The following SIN3B variants were observed in gnomAD, a reference collection of about 807,000 sequenced individuals.
SIN3B encodes paired amphipathic helix protein Sin3b.
Under a neutral mutation model 120.2 loss-of-function variants are expected in SIN3B, and 19 were observed. That is an observed-to-expected ratio of 0.16 (90% CI 0.11 to 0.23). SIN3B has a LOEUF of 0.23. SIN3B is among the 10% of genes least tolerant of loss of function. The pLI, the probability that SIN3B is intolerant of heterozygous loss-of-function variation, is 1.00. For synonymous variants in SIN3B, 654 were observed against 653.2 expected (o/e 1.00, Z -0.02); for missense variants, 1,073 against 1,573.0 (o/e 0.68, Z 5.38).
rs1176461459 is a variant in SIN3B at position 16,853,164 on chromosome 19, G to A, written c.939+6G>A. On this transcript the variant is annotated splice_donor_region_variant and intron_variant, in intron 7 of 18. Transcript: ENST00000248054. ...AATTTTCTTTCTTTGACAAGGTGAG[G>A]GTGGGCCCTGGCTTCCATCTTGGGG... 3 of 1,613,440 alleles carry A rather than the reference G, an allele frequency of 1.9e-6. No individual in the cohort carries two copies. Among genetic ancestry groups the A allele is most frequent in the African/African-American group, 1.3e-5 (1 of 75,072 alleles).
intron 3 of SIN3B, 70 bp downstream of exon 3, chr19:16,831,717 C>G: frequency 7.2e-7 from 1 of 1,387,206 alleles, no homozygotes; most frequent in Admixed American, 1.7e-5. Flanking sequence ...GGTTGGGCCA[C>G]GTGTCTCTCC....
chr19:16,859,869 C>T (rs973418698), intron 8 of SIN3B, among the ~76,000 whole-genome samples: 6 of 151,996 alleles, frequency 3.9e-5, no homozygotes, highest in African/African-American at 9.7e-5. Flanking sequence ...CTGGGTCCAG[C>T]GGGCACGTGA....
chr19:16,872,038 C>T (rs2051518521), intron 14 of SIN3B, among the ~76,000 whole-genome samples: 2 of 152,160 alleles, frequency 1.3e-5, no homozygotes, highest in Admixed American at 1.3e-4. Flanking sequence ...AATGTCAACA[C>T]AAGGAAACTG....
rs982612177 is a variant in SIN3B, at chr19:16,865,978, C to T, written c.1622+330C>T. On this transcript the variant is annotated intron_variant, in intron 11 of 18. Transcript: ENST00000248054. ...TTAATGCTGCATTTCGGATGCCGTC[C>T]GGCGCTAGTTAACAGGCATTTATCA... Among the ~76,000 whole-genome samples the T allele has an allele frequency of 1.9e-3, 293 of 152,194 alleles. 4 individuals carry two copies. The highest frequency in any genetic ancestry group is 3.8e-4 in the Non-Finnish European group (26 of 67,996).
At position 16,847,129 on chromosome 19, in the gene SIN3B, C is replaced by T. The variant is rs371807771; in HGVS notation, c.726+16C>T. The T allele has an allele frequency of 9.1e-5, 145 of 1,600,948 alleles. No homozygotes were observed. The highest frequency in any genetic ancestry group is 1.2e-4 in the Non-Finnish European group (143 of 1,169,796). On this transcript the variant is annotated intron_variant, in intron 5 of 18. Coordinates refer to ENST00000248054, the MANE Select transcript of SIN3B (RefSeq NM_001297595.2). ...GCGGTCTCTGGTGAGTGCCGAGAGC[C>T]CCTGCCCAGCCTCGGGGGCCTCAGC...
At chr19:16,832,302 A>G (rs565220260) in intron 3 of SIN3B, among the ~76,000 whole-genome samples, 1 of 150,726 alleles carries the variant, frequency 6.6e-6, no homozygotes, top group East Asian at 2.0e-4. Flanking sequence ...GGTTCAAGCA[A>G]TTCTCCTGCC....
chr19:16,844,847 G>A (rs932025283), intron 4 of SIN3B, among the ~76,000 whole-genome samples: 6 of 152,200 alleles, frequency 3.9e-5, no homozygotes, highest in African/African-American at 1.2e-4. Flanking sequence ...TGTGAAGGCC[G>A]GGAGGAGGTC....
At chr19:16,838,507 G>T (rs913020852) in intron 3 of SIN3B, among the ~76,000 whole-genome samples, 2 of 152,138 alleles carry the variant, frequency 1.3e-5, no homozygotes, top group African/African-American at 4.8e-5. Flanking sequence ...GCCGGTATCA[G>T]TGCTTCCTTC....
At chr19:16,851,869 G>C (rs1054566340) in intron 6 of SIN3B, among the ~76,000 whole-genome samples, 6 of 152,234 alleles carry the variant, frequency 3.9e-5, no homozygotes, top group Non-Finnish European at 5.9e-5. Flanking sequence ...GTTTGTTCAG[G>C]TTGGTCACTG....
chr19:16,833,140 A>C (rs775658367), intron 3 of SIN3B, among the ~76,000 whole-genome samples: 1 of 152,158 alleles, frequency 6.6e-6, no homozygotes, highest in African/African-American at 2.4e-5. Context: ...AACCTCCTCC[A>C]GTCCTTGCCT....
chr19:16,869,780 C>T lies in SIN3B; in HGVS notation c.2127C>T (p.Pro709=). Residue 709 remains proline (P), a synonymous_variant, in exon 13 of 19, where the codon CCC becomes CCT. Transcript: ENST00000248054. ...CGGCGCCAGGACCCCACAGTAGCCC[C>T]CCAGAGGAGAAGGGGGCCTTCGGGG... ...KKPAPGPHSS[P]PEEKGAFGDA... is the part of the protein sequence containing the mutation. The T allele has an allele frequency of 6.2e-7, 1 of 1,613,668 alleles. No individual in the cohort carries two copies. Among genetic ancestry groups the T allele is most frequent in the East Asian group, 2.2e-5 (1 of 44,886 alleles).
At chr19:16,829,976 C>A (rs1161041933) in intron 2 of SIN3B, 79 bp downstream of exon 2, 2 of 905,604 alleles carry the variant, frequency 2.2e-6, no homozygotes, top group African/African-American at 1.6e-5. Context: ...CCTCCCCTCT[C>A]CAGCCTGCCC....
intron 11 of SIN3B, among the ~76,000 whole-genome samples, 177 bp from the exon 12 acceptor site, chr19:16,866,196 G>A (rs1406779262): frequency 6.6e-6 from 1 of 152,160 alleles, no homozygotes; most frequent in Non-Finnish European, 1.5e-5. Context: ...GCTCTGTAAG[G>A]CCATCACGCC....
intron 14 of SIN3B, among the ~76,000 whole-genome samples, chr19:16,875,053 CTGGTTTGGTTTGGTTT>C (rs1227448926): frequency 7.5e-6 from 1 of 133,362 alleles, no homozygotes; most frequent in Non-Finnish European, 1.6e-5. Context: ...TGGTTTTGGT[CTGGTTTGGTTTGGTTT>C]TGGTTTGGTC....
chr19:16,844,273 G>A (rs1971453647), intron 4 of SIN3B: 1 of 152,256 alleles, frequency 6.6e-6, no homozygotes, highest in Admixed American at 6.5e-5. Context: ...ATATTTCAGG[G>A]ATACTGTTAG....
intron 8 of SIN3B, among the ~76,000 whole-genome samples, chr19:16,860,596 C>CTTT (rs34628511): frequency 4.4e-4 from 58 of 131,790 alleles, no homozygotes; most frequent in African/African-American, 1.5e-3. Flanking sequence ...GTAACTGCAA[C>CTTT]TTTTTTTTTT....
Position 16,841,887 on chromosome 19 carries a change from C to CT in SIN3B, c.502dup (p.Tyr168LeufsTer4). 1 of 1,614,078 alleles carries CT rather than the reference C, an allele frequency of 6.2e-7. No homozygotes were observed. Among genetic ancestry groups the CT allele is most frequent in the Non-Finnish European group, 8.5e-7 (1 of 1,179,998 alleles). ...CCGTGGAATTCAACAACGCCATCAG[C>CT]TATGTGAATAAGATTAAAACCCGCT... On this transcript the variant is annotated frameshift_variant, in exon 4 of 19. Coordinates refer to ENST00000248054, the MANE Select transcript of SIN3B (RefSeq NM_001297595.2). LOFTEE classifies it high-confidence loss of function.
chr19:16,834,804 A>G (rs939415470), intron 3 of SIN3B, among the ~76,000 whole-genome samples: 3 of 152,088 alleles, frequency 2.0e-5, no homozygotes, highest in African/African-American at 7.2e-5. Flanking sequence ...GCGTGGCTTC[A>G]GGAGTCCTTT....
chr19:16,845,623 C>G (rs1213566622), intron 4 of SIN3B, among the ~76,000 whole-genome samples: 1 of 152,216 alleles, frequency 6.6e-6, no homozygotes, highest in Non-Finnish European at 1.5e-5. Flanking sequence ...ATCGGAAATC[C>G]TAGCCTCTTC....
Sources: gnomAD v4.1 joint callset for allele counts (sites outside exome capture counted in the v4.1 genomes callset) on GRCh38, gnomAD v4.1.1 for gene constraint, MANE v1.5 for transcripts, NCBI Gene and HGNC (gene_info 2026-07-23, HGNC 2026-07-21) for gene names.